TRAF7: variants seen among roughly 807,000 people sequenced by gnomAD.
TRAF7 encodes the protein E3 ubiquitin-protein ligase TRAF7.
Under a neutral mutation model 89.3 loss-of-function variants are expected in TRAF7, and 45 were observed. That is an observed-to-expected ratio of 0.50 (90% CI 0.40 to 0.65). The LOEUF (loss-of-function observed/expected upper bound fraction) is 0.65. Ranked by LOEUF, TRAF7 falls within the 30% of genes least tolerant of loss-of-function variation. TRAF7 has a pLI of 0.00. For synonymous variants in TRAF7, 406 were observed against 369.2 expected, an observed-to-expected ratio of 1.10 and a Z score of -1.14; for missense variants, 677 against 918.1, an observed-to-expected ratio of 0.74 and a Z score of 3.39.
At chr16:2,164,425 G>A (rs2093073509) in intron 2 of TRAF7, among the ~76,000 whole-genome samples, 1 of 145,004 alleles carries the variant, frequency 6.9e-6, no homozygotes, top group African/African-American at 2.6e-5. Context: ...AGTGCTGCGT[G>A]GCCTGGCCTG....
rs780132419 is a variant in TRAF7, at chr16:2,173,921, C to T, written c.1136C>T (p.Ser379Phe). The change falls in exon 13 of 21, where the codon TCC (serine) becomes TTC (phenylalanine). Residue 379 changes from serine (S) to phenylalanine (F), a missense_variant and splice_region_variant. Ser to Phe is a radical substitution (Grantham distance 155, BLOSUM62 -2). This residue lies in a region of TRAF7 where 238 missense variants were observed against 352.6 expected (regional missense o/e 0.67). Coordinates refer to ENST00000326181, the MANE Select transcript of TRAF7 (RefSeq NM_032271.3). ...TCACCCACTGCTCCCATCTCTGCAG[C>T]CTACGACCCTCAGCAGATCTTCAAG... Reference protein sequence around the residue: ...NARLNMGILGSYDPQQIFKCK... With the variant: ...NARLNMGILGFYDPQQIFKCK... The T allele has an allele frequency of 6.3e-7, 1 of 1,597,522 alleles. No homozygotes were observed. The highest frequency in any genetic ancestry group is 1.1e-5 in the South Asian group (1 of 90,766).
Position 2,176,363 on chromosome 16 carries a change from G to A in TRAF7, c.1977G>A (p.Gly659=). The stretch of plus-strand genomic sequence containing the variant: ...TGTCCCGGGGCCGACTCTTCTCAGG[G>A]GCTGTGGATAGCACTGTGAAGGTCA... ...LAVSRGRLFS[G]AVDSTVKVWT... Residue 659 remains glycine, a synonymous_variant, in exon 20 of 21, where the codon GGG becomes GGA. Coordinates refer to ENST00000326181, the MANE Select transcript of TRAF7 (RefSeq NM_032271.3). 2 of 1,607,138 alleles carry A rather than the reference G, an allele frequency of 1.2e-6. No individual in the cohort carries two copies. Among genetic ancestry groups the A allele is most frequent in the South Asian group, 1.1e-5 (1 of 90,584 alleles).
At chr16:2,173,859 T>TGGCGGCGCCCCCCC in intron 12 of TRAF7, 23 bp downstream of exon 12, 1 of 1,246,258 alleles carries the variant, frequency 8.0e-7, no homozygotes, top group Non-Finnish European at 1.1e-6. Flanking sequence ...CCGCCGTGGC[T>TGGCGGCGCCCCCCC]CCCGCCCACC....
At chr16:2,165,707 G>T (rs929409154) in intron 2 of TRAF7, 172 bp from the exon 3 acceptor site, 2 of 707,630 alleles carry the variant, frequency 2.8e-6, no homozygotes, top group Non-Finnish European at 2.4e-6. Context: ...GCGCGGCCTG[G>T]TCGCATGATT....
At position 2,168,015 on chromosome 16, in the gene TRAF7, C is replaced by T. The variant is rs1009265965; in HGVS notation, c.140-62C>T. ...ACAGGGTCGGGTATCCAGCATGGGC[C>T]CCACCTCCCCCACATCTGCTGAGGG... On this transcript the variant is annotated intron_variant, in intron 3 of 20. Transcript: ENST00000326181. The surrounding 1 kb of genome is among the most constrained non-coding windows in gnomAD (Gnocchi z 4.1). The T allele has an allele frequency of 5.9e-6, 9 of 1,517,314 alleles. No homozygotes were observed. The highest frequency in any genetic ancestry group is 8.1e-6 in the Non-Finnish European group (9 of 1,105,438). 94.0% of individuals were successfully genotyped at this position (1,517,314 alleles called of 1,614,324 possible). A position where few individuals can be genotyped will look rare whatever the true frequency, so the allele number is the denominator to read the frequency against.
intron 4 of TRAF7, among the ~76,000 whole-genome samples, chr16:2,169,264 G>A (rs2093098848): frequency 1.3e-5 from 2 of 152,312 alleles, no homozygotes; most frequent in African/African-American, 4.8e-5. Flanking sequence ...GATTACAAGT[G>A]TGAGCCACCT....
intron 1 of TRAF7, among the ~76,000 whole-genome samples, chr16:2,157,660 T>C (rs1011150304): frequency 6.6e-6 from 1 of 151,146 alleles, no homozygotes; most frequent in Non-Finnish European, 1.5e-5. Context: ...AATGAGCAGT[T>C]TGGGGAAAGG....
intron 20 of TRAF7, 32 bp from the exon 21 acceptor site, chr16:2,176,528 G>A (rs1171353586): frequency 1.9e-6 from 3 of 1,613,226 alleles, no homozygotes; most frequent in East Asian, 2.2e-5. Context: ...CCGGCCGCAG[G>A]ACATCCTGGT....
rs1286826271 is a variant in TRAF7, at chr16:2,158,654, T to G, written c.-39+2796T>G. Among the ~76,000 whole-genome samples, 1 of 151,508 alleles carries G rather than the reference T, an allele frequency of 6.6e-6. No individual in the cohort carries two copies. Among genetic ancestry groups the G allele is most frequent in the African/African-American group, 2.4e-5 (1 of 41,166 alleles). The stretch of plus-strand genomic sequence containing the variant: ...CCTCTTCGGGCCCATGTATGGCCAG[T>G]GTTTATGTCAGCTCCCTGCTGCTGC... On this transcript the variant is annotated intron_variant, in intron 1 of 20. Transcript: ENST00000326181. This position sits in a 1 kb window ranked among gnomAD's most constrained non-coding sequence, Gnocchi z 4.7.
Position 2,171,376 on chromosome 16 carries a change from C to T in TRAF7, c.441+20C>T. 1 of 1,545,142 alleles carries T rather than the reference C, an allele frequency of 6.5e-7. No homozygotes were observed. Among genetic ancestry groups the T allele is most frequent in the Non-Finnish European group, 8.8e-7 (1 of 1,142,178 alleles). ...TGTGGGGTGAGCCCGCCGCCCTTCCCAGCCCCCCTGCTGCCAGAGGCCCCC... is the reference window on the plus strand; with the variant it reads ...TGTGGGGTGAGCCCGCCGCCCTTCCTAGCCCCCCTGCTGCCAGAGGCCCCC... On this transcript the variant is annotated intron_variant, in intron 6 of 20. Transcript: ENST00000326181.
chr16:2,173,398 T>C lies in TRAF7; in HGVS notation c.1011T>C (p.Phe337=). 2.5e-6 allele frequency: 4 copies of C among 1,613,036 alleles called. No homozygotes were observed. The highest frequency in any genetic ancestry group is 3.4e-6 in the Non-Finnish European group (4 of 1,179,694). ...DQLEKSLELK[F]DVLDENQSKL... ...TAGAGAAGAGCCTGGAGCTCAAGTT[T>C]GGTGAGGGTGGGCACCGGGGCAGGC... The change falls in exon 10 of 21, where the codon TTT becomes TTC. Residue 337 remains phenylalanine (F), a splice_region_variant and synonymous_variant. Coordinates refer to ENST00000326181, the MANE Select transcript of TRAF7 (RefSeq NM_032271.3).
At chr16:2,173,101 T>G (rs1250415215) in intron 9 of TRAF7, 81 bp from the exon 10 acceptor site, 13 of 1,364,150 alleles carry the variant, frequency 9.5e-6, no homozygotes, top group Non-Finnish European at 1.0e-5. Context: ...GCCACAGGGC[T>G]GGAGCATTTG....
rs1034165202 is a variant in TRAF7 at position 2,161,383 on chromosome 16, C to T, written c.-38-2500C>T. ...TCTGGCTGATTTGCACATTGCCCTG[C>T]GTGCCTTTCTGTTCACCTCACTTCA... On this transcript the variant is annotated intron_variant, in intron 1 of 20. Transcript: ENST00000326181. The surrounding 1 kb of genome is among the most constrained non-coding windows in gnomAD (Gnocchi z 5.2). Among the ~76,000 whole-genome samples, 3 of 152,040 alleles carry T rather than the reference C, an allele frequency of 2.0e-5. No homozygotes were observed. The highest frequency in any genetic ancestry group is 2.9e-5 in the Non-Finnish European group (2 of 67,996).
Position 2,162,539 on chromosome 16 carries a change from AC to A in TRAF7, c.-38-1343del, listed in dbSNP as rs1442647684. ...GGTGGGGGCAGAGACCAGCTCCGCC[AC>A]TTTGGCCTGGGACTGGGACTGTCCT... On this transcript the variant is annotated intron_variant, in intron 1 of 20. Transcript: ENST00000326181. This position sits in a 1 kb window ranked among gnomAD's most constrained non-coding sequence, Gnocchi z 5.0. Among the ~76,000 whole-genome samples, 1 of 152,040 alleles carries A rather than the reference AC, an allele frequency of 6.6e-6. No homozygotes were observed.
In TRAF7 at chr16:2,177,799, A is replaced by C. The variant is rs1596682749; in HGVS notation, c.*1225A>C. Reference sequence around the variant, plus strand: ...GACACGGCCGCCGAGAGCAAGGCACAACCTCGAGTTCTTGGGGCGCAGAGA... The same window carrying C: ...GACACGGCCGCCGAGAGCAAGGCACCACCTCGAGTTCTTGGGGCGCAGAGA... On this transcript the variant is annotated 3_prime_UTR_variant, in exon 21 of 21. Transcript: ENST00000326181. 4.1e-6 allele frequency: 1 copy of C among 244,370 alleles called. No individual in the cohort carries two copies. Among genetic ancestry groups the C allele is most frequent in the Non-Finnish European group, 8.1e-6 (1 of 123,932 alleles). 15.1% of individuals were successfully genotyped at this position (244,370 alleles called of 1,614,324 possible). A position where few individuals can be genotyped will look rare whatever the true frequency, so the allele number is the denominator to read the frequency against.
At chr16:2,165,841 C>T (rs749224876) in intron 2 of TRAF7, 38 bp from the exon 3 acceptor site, 4 of 1,613,366 alleles carry the variant, frequency 2.5e-6, no homozygotes, top group Non-Finnish European at 3.4e-6. Flanking sequence ...CTCCTTGTGT[C>T]CCGGAATGAG....
chr16:2,157,037 G>A (rs548449990), intron 1 of TRAF7, among the ~76,000 whole-genome samples: 3 of 152,222 alleles, frequency 2.0e-5, no homozygotes, highest in East Asian at 3.9e-4. Flanking sequence ...CTGCTGGCTT[G>A]CTCAGGAATT....
At chr16:2,173,857 G>GCGGGGGCCCCCC in intron 12 of TRAF7, 21 bp downstream of exon 12, 3 of 1,607,502 alleles carry the variant, frequency 1.9e-6, no homozygotes, top group Non-Finnish European at 2.5e-6. Flanking sequence ...ACCCGCCGTG[G>GCGGGGGCCCCCC]CTCCCGCCCA....
chr16:2,158,771 G>C lies in TRAF7; in HGVS notation c.-39+2913G>C, dbSNP rs537875769. On this transcript the variant is annotated intron_variant, in intron 1 of 20. Transcript: ENST00000326181. The surrounding 1 kb of genome is among the most constrained non-coding windows in gnomAD (Gnocchi z 4.7). The stretch of plus-strand genomic sequence containing the variant: ...GGACTGGGAAGCGTGGGCTCGGCGG[G>C]GGGGGGGGGGACACTGCCACCCTTG... Among the ~76,000 whole-genome samples the C allele has an allele frequency of 9.0e-3, 1,318 of 147,180 alleles. 31 individuals are homozygous for C. Among genetic ancestry groups the C allele is most frequent in the African/African-American group, 0.031 (1,188 of 38,562 alleles).
Sources: allele counts gnomAD v4.1 joint callset (sites outside exome capture counted in the v4.1 genomes callset), GRCh38; gene constraint gnomAD v4.1.1; regional missense constraint gnomAD v4.1.1; non-coding constraint Gnocchi (gnomAD v3.1); transcripts MANE v1.5; gene names NCBI Gene and HGNC (gene_info 2026-07-23, HGNC 2026-07-21).